The following HNRNPD variants were observed in gnomAD, a reference collection of about 807,000 sequenced individuals.
HNRNPD encodes heterogeneous nuclear ribonucleoprotein D.
A neutral mutation model predicts 47.9 loss-of-function variants in HNRNPD; 3 were observed. That is an observed-to-expected ratio of 0.06 (90% confidence interval 0.03 to 0.16). The LOEUF (loss-of-function observed/expected upper bound fraction) is 0.16. Among genes scored for constraint, HNRNPD ranks in the 10% least tolerant of loss-of-function variants. HNRNPD has a pLI of 1.00. For missense variants in HNRNPD, 287 were observed against 454.2 expected, an observed-to-expected ratio of 0.63 and a Z score of 3.35; for synonymous variants, 171 against 165.1, an observed-to-expected ratio of 1.04 and a Z score of -0.28.
intron 7 of HNRNPD, 26 bp downstream of exon 7, chr4:82,356,511 G>C: frequency 6.4e-7 from 1 of 1,553,678 alleles, no homozygotes; most frequent in Non-Finnish European, 8.8e-7. Flanking sequence ...TCAAATAGCA[G>C]TTAATATAAA....
At chr4:82,369,011 G>A (rs988912126) in intron 2 of HNRNPD, among the ~76,000 whole-genome samples, 1 of 152,120 alleles carries the variant, frequency 6.6e-6, no homozygotes, top group Non-Finnish European at 1.5e-5. Flanking sequence ...AGTGAATGGG[G>A]GGACTTTTTT....
intron 8 of HNRNPD, 42 bp downstream of exon 8, chr4:82,355,259 AACT>A: frequency 9.7e-7 from 1 of 1,035,840 alleles, no homozygotes; most frequent in Non-Finnish European, 1.5e-6. Flanking sequence ...AGATTATAAA[AACT>A]ACTATTGTAA....
chr4:82,372,967 G>A (rs1488883709), intron 1 of HNRNPD, among the ~76,000 whole-genome samples: 1 of 152,182 alleles, frequency 6.6e-6, no homozygotes, highest in Admixed American at 6.5e-5. Flanking sequence ...CAAAACATGT[G>A]CTTATAAACA....
At chr4:82,373,116 T>C (rs964646428) in intron 1 of HNRNPD, 1 of 559,180 alleles carries the variant, frequency 1.8e-6, no homozygotes, top group Middle Eastern at 2.7e-4. Flanking sequence ...AGAAAAAAGG[T>C]ACCCCACGAC....
chr4:82,363,749 C>T (rs536336064), intron 2 of HNRNPD, among the ~76,000 whole-genome samples: 1 of 152,276 alleles, frequency 6.6e-6, no homozygotes, highest in South Asian at 2.1e-4. Context: ...ATATGGTATT[C>T]AGTTTAAAAC....
At chr4:82,362,073 AT>A (rs1031669629) in intron 2 of HNRNPD, among the ~76,000 whole-genome samples, 1 of 152,246 alleles carries the variant, frequency 6.6e-6, no homozygotes, top group East Asian at 1.9e-4. Flanking sequence ...TTGAAATGAG[AT>A]TTTTTTCTAA....
Position 82,371,093 on chromosome 4 carries a change from G to C in HNRNPD, c.290+435C>G, listed in dbSNP as rs754643028. On this transcript the variant is annotated intron_variant, in intron 2 of 8. Transcript: ENST00000313899. ...CAGTGCTGCTTAAAGAACTGCTTCAGACATCTCCAGAATATTTCAGTATAA... is the reference window on the plus strand; with the variant it reads ...CAGTGCTGCTTAAAGAACTGCTTCACACATCTCCAGAATATTTCAGTATAA... 2.0e-5 allele frequency among the ~76,000 whole-genome samples: 3 copies of C among 152,082 alleles called. No individual in the cohort carries two copies. The East Asian group carries it at 5.8e-4, about 29-fold the overall frequency.
At chr4:82,358,529 C>T (rs1274282714) in intron 4 of HNRNPD, 130 bp downstream of exon 4, 1 of 801,512 alleles carries the variant, frequency 1.2e-6, no homozygotes, top group Admixed American at 2.5e-5. Flanking sequence ...TTTACAATAT[C>T]CTTATTCCAA....
chr4:82,354,311 G>A (rs1404105112), intron 8 of HNRNPD, 157 bp from the exon 9 acceptor site: 1 of 152,306 alleles, frequency 6.6e-6, no homozygotes, highest in African/African-American at 2.4e-5. Context: ...CTGAACAGTA[G>A]AGTCCATGAG....
At chr4:82,354,551 G>C (rs947514190) in intron 8 of HNRNPD, 1 of 152,568 alleles carries the variant, frequency 6.6e-6, no homozygotes, top group Non-Finnish European at 1.5e-5. Flanking sequence ...AAAAGAAAAA[G>C]TTATCTACTG....
chr4:82,365,224 C>T (rs1009530753), intron 2 of HNRNPD, among the ~76,000 whole-genome samples: 1 of 152,124 alleles, frequency 6.6e-6, no homozygotes, highest in Non-Finnish European at 1.5e-5. Flanking sequence ...TATGATCTTA[C>T]ATACATGGCT....
At chr4:82,369,482 A>G (rs954897750) in intron 2 of HNRNPD, among the ~76,000 whole-genome samples, 1 of 152,246 alleles carries the variant, frequency 6.6e-6, no homozygotes, top group Admixed American at 6.5e-5. Flanking sequence ...ACTGATTTTT[A>G]AAGTATTTTA....
rs1249892126 is a variant in HNRNPD at position 82,352,889 on chromosome 4, G to A, written c.*1296C>T. 6.6e-6 allele frequency: 1 copy of A among 152,180 alleles called. No homozygotes were observed. The highest frequency in any genetic ancestry group is 1.5e-5 in the Non-Finnish European group (1 of 68,034). The allele number at this position is 152,180 out of a possible 1,614,324, so 9.4% of individuals were successfully genotyped here. On this transcript the variant is annotated 3_prime_UTR_variant, in exon 9 of 9. Coordinates refer to ENST00000313899, the MANE Select transcript of HNRNPD (RefSeq NM_031370.3). The stretch of plus-strand genomic sequence containing the variant: ...ATCAGATGTAACTCCACAAAAGTAA[G>A]AAAGGTATTCCATCACTTCACTACT...
intron 2 of HNRNPD, among the ~76,000 whole-genome samples, chr4:82,369,341 G>A (rs1450079769): frequency 6.6e-6 from 1 of 152,178 alleles, no homozygotes; most frequent in Non-Finnish European, 1.5e-5. Flanking sequence ...GCATACTATG[G>A]AAATAATTAC....
At chr4:82,364,196 C>T (rs1719631093) in intron 2 of HNRNPD, among the ~76,000 whole-genome samples, 1 of 152,104 alleles carries the variant, frequency 6.6e-6, no homozygotes, top group South Asian at 2.1e-4. Flanking sequence ...TCTTCCAACT[C>T]CTGGGCTCAA....
intron 7 of HNRNPD, 77 bp from the exon 8 acceptor site, chr4:82,355,478 A>T (rs993322218): frequency 2.9e-6 from 3 of 1,018,908 alleles, no homozygotes; most frequent in South Asian, 2.7e-5. Context: ...AATTTTAAAC[A>T]ATCTCAAAAA....
chr4:82,365,750 G>A (rs1719719110), intron 2 of HNRNPD, among the ~76,000 whole-genome samples: 2 of 149,866 alleles, frequency 1.3e-5, no homozygotes, highest in African/African-American at 4.9e-5. Context: ...GACTATGGGT[G>A]CACACCACGA....
In HNRNPD at chr4:82,357,565, C is replaced by T. The variant is rs575415279; in HGVS notation, c.622-121G>A. On this transcript the variant is annotated intron_variant, in intron 4 of 8. Coordinates refer to ENST00000313899, the MANE Select transcript of HNRNPD (RefSeq NM_031370.3). The stretch of plus-strand genomic sequence containing the variant: ...ATGTATTTGGCACTGAAGTTCTAGT[C>T]TCCTGTTTCTCCCTATTTATTCTAA... 3.5e-5 allele frequency: 25 copies of T among 722,874 alleles called. No homozygotes were observed. The African/African-American group carries it at 4.0e-4, about 11-fold the overall frequency. The allele number at this position is 722,874 out of a possible 1,614,324, so 44.8% of individuals were successfully genotyped here.
At chr4:82,373,419 G>T in intron 1 of HNRNPD, 27 bp downstream of exon 1, 2 of 1,560,942 alleles carry the variant, frequency 1.3e-6, no homozygotes, top group South Asian at 1.2e-5. Context: ...AGTTGGGCCT[G>T]ACTATCCTGG....
Sources: gnomAD v4.1 joint callset for allele counts (sites outside exome capture counted in the v4.1 genomes callset) on GRCh38, gnomAD v4.1.1 for gene constraint, MANE v1.5 for transcripts, NCBI Gene and HGNC (gene_info 2026-07-23, HGNC 2026-07-21) for gene names.